Variants in DMD observed in about 807,000 individuals in gnomAD.
DMD encodes the protein mutant dystrophin.
Under a neutral mutation model 330.1 loss-of-function variants are expected in DMD, and 63 were observed. That is an observed-to-expected ratio of 0.19 (90% confidence interval 0.16 to 0.24). The LOEUF (loss-of-function observed/expected upper bound fraction) is 0.24. Ranked by LOEUF, DMD falls within the 10% of genes least tolerant of loss-of-function variation. The pLI is 1.00. For missense variants in DMD, 3,344 were observed against 2,684.1 expected, an observed-to-expected ratio of 1.25 and a Z score of -5.43; for synonymous variants, 1,223 against 959.8, an observed-to-expected ratio of 1.27 and a Z score of -5.07.
At chrX:33,169,448 A>G (rs1478436824) in intron 1 of DMD, among the ~76,000 whole-genome samples, 1 of 111,536 alleles carries the variant, frequency 9.0e-6, no homozygotes, top group Admixed American at 9.5e-5. Flanking sequence ...CAAAACAAAG[A>G]CAGATGCTCC....
At chrX:31,795,908 C>A (rs1195625275) in intron 50 of DMD, among the ~76,000 whole-genome samples, 3 of 111,473 alleles carry the variant, frequency 2.7e-5, no homozygotes, top group Non-Finnish European at 3.8e-5. Flanking sequence ...GTATTTCTAG[C>A]AAAAGGAAGA....
At chrX:32,278,287 A>G (rs1455784856) in intron 43 of DMD, among the ~76,000 whole-genome samples, 1 of 111,701 alleles carries the variant, frequency 9.0e-6, no homozygotes, top group Non-Finnish European at 1.9e-5. Context: ...TGAACGGACC[A>G]GTAACGAGTA....
At chrX:31,851,941 C>A (rs2093533394) in intron 48 of DMD, among the ~76,000 whole-genome samples, 1 of 110,526 alleles carries the variant, frequency 9.0e-6, no homozygotes, top group South Asian at 3.8e-4. Flanking sequence ...CAGGAAAGAA[C>A]AATCTGTGCA....
At chrX:32,141,452 C>CA (rs2096752642) in intron 44 of DMD, among the ~76,000 whole-genome samples, 1 of 107,679 alleles carries the variant, frequency 9.3e-6, no homozygotes, top group African/African-American at 3.4e-5. Flanking sequence ...AAAACAAAAA[C>CA]AAAAACAAAA....
At chrX:31,184,264 G>C (rs1455582538) in intron 67 of DMD, among the ~76,000 whole-genome samples, 1 of 111,954 alleles carries the variant, frequency 8.9e-6, no homozygotes. Flanking sequence ...TTTTGTTTTT[G>C]AATACTGAAA....
chrX:31,137,193 T>A (rs1005633220), intron 76 of DMD, among the ~76,000 whole-genome samples: 1 of 111,121 alleles, frequency 9.0e-6, no homozygotes, highest in African/African-American at 3.3e-5. Flanking sequence ...TAATTTTTTA[T>A]ATTTTTTAGT....
chrX:31,910,973 C>G (rs920002900), intron 47 of DMD, among the ~76,000 whole-genome samples: 1 of 112,193 alleles, frequency 8.9e-6, no homozygotes, highest in Admixed American at 9.5e-5. Flanking sequence ...TCCACAGCAT[C>G]GCCCACATAG....
intron 44 of DMD, among the ~76,000 whole-genome samples, chrX:32,046,180 T>C (rs1438525754): frequency 1.8e-5 from 2 of 112,275 alleles, no homozygotes; most frequent in African/African-American, 6.5e-5. Flanking sequence ...GGAAAATACA[T>C]ACCTACATTT....
intron 1 of DMD, among the ~76,000 whole-genome samples, chrX:33,163,628 C>CTATCTATCTATGTATCTGTG (rs779008582): frequency 1.0e-5 from 1 of 100,082 alleles, no homozygotes; most frequent in African/African-American, 3.7e-5. Context: ...CTCTATCTAT[C>CTATCTATCTATGTATCTGTG]TATCTATCTA....
intron 60 of DMD, among the ~76,000 whole-genome samples, chrX:31,370,212 A>G (rs1340016737): frequency 2.7e-5 from 3 of 111,368 alleles, no homozygotes; most frequent in Admixed American, 1.9e-4. Context: ...GATAAATTCA[A>G]CCTCGCCAAA....
rs781406076 is a variant in DMD at position 32,608,259 on chromosome X, C to A, written c.1482+6044G>T. Among the ~76,000 whole-genome samples the A allele has an allele frequency of 3.6e-5, 4 of 110,059 alleles. No homozygotes were observed. The East Asian group carries it at 1.1e-3, about 31-fold the overall frequency. ...GCAAATATACCCTTGGAATATGATG[C>A]TTGTTAATAGAATTCTTATGGGATA... On this transcript the variant is annotated intron_variant, in intron 12 of 78. Transcript: ENST00000357033.
intron 2 of DMD, among the ~76,000 whole-genome samples, chrX:32,937,763 C>T (rs1294749882): frequency 9.1e-6 from 1 of 109,596 alleles, no homozygotes; most frequent in Non-Finnish European, 1.9e-5. Context: ...TATCTGAACA[C>T]GATGAGTCTC....
intron 1 of DMD, among the ~76,000 whole-genome samples, chrX:33,122,181 C>T (rs112830086): frequency 0.072 from 8,018 of 111,843 alleles, 733 homozygotes; most frequent in African/African-American, 0.25. Context: ...GCCGAGATTG[C>T]ACCAGTGAGC....
At chrX:32,730,777 T>C (rs955672226) in intron 7 of DMD, among the ~76,000 whole-genome samples, 10 of 111,977 alleles carry the variant, frequency 8.9e-5, no homozygotes, top group Non-Finnish European at 1.9e-4. Flanking sequence ...ATTCAATAGA[T>C]TCAAATATGA....
intron 7 of DMD, among the ~76,000 whole-genome samples, chrX:32,799,345 T>C (rs963512532): frequency 1.8e-5 from 2 of 111,562 alleles, no homozygotes; most frequent in Non-Finnish European, 3.8e-5. Flanking sequence ...GTGTCCTTCC[T>C]TTTTTGGTCA....
intron 17 of DMD, among the ~76,000 whole-genome samples, chrX:32,540,377 C>A (rs1340243026): frequency 9.0e-6 from 1 of 111,442 alleles, no homozygotes; most frequent in Non-Finnish European, 1.9e-5. Flanking sequence ...TAGGAATCGA[C>A]TAAATGTACC....
intron 78 of DMD, among the ~76,000 whole-genome samples, chrX:31,126,433 T>C (rs1465083832): frequency 8.9e-6 from 1 of 112,026 alleles, no homozygotes; most frequent in Non-Finnish European, 1.9e-5. Context: ...AACCCCAGTC[T>C]TGTCGTCATG....
intron 29 of DMD, among the ~76,000 whole-genome samples, chrX:32,423,034 A>C (rs2098196702): frequency 9.0e-6 from 1 of 110,996 alleles, no homozygotes; most frequent in South Asian, 3.7e-4. Context: ...ATAAAGATAT[A>C]AACTCGAGGA....
chrX:32,676,092 A>T (rs2061949095), intron 9 of DMD, among the ~76,000 whole-genome samples: 1 of 111,724 alleles, frequency 9.0e-6, no homozygotes, highest in African/African-American at 3.2e-5. Flanking sequence ...TTTTTAGTTG[A>T]CAGAGTTAAA....
Sources: gnomAD v4.1 joint callset for allele counts (sites outside exome capture counted in the v4.1 genomes callset) on GRCh38, gnomAD v4.1.1 for gene constraint, MANE v1.5 for transcripts, NCBI Gene and HGNC (gene_info 2026-07-23, HGNC 2026-07-21) for gene names.